The following WAC variants were observed in gnomAD, a reference collection of about 807,000 sequenced individuals.
WAC encodes WW domain-containing adapter protein with coiled-coil.
A neutral mutation model predicts 79.6 loss-of-function variants in WAC; 11 were observed. The observed-to-expected ratio is 0.14, with a 90% CI of 0.09 to 0.23. WAC has a LOEUF of 0.23. WAC is among the 10% of genes least tolerant of loss of function. WAC has a pLI of 1.00. For synonymous variants in WAC, 304 were observed against 276.9 expected, an observed-to-expected ratio of 1.10 and a Z score of -0.97; for missense variants, 728 against 773.5, an observed-to-expected ratio of 0.94 and a Z score of 0.70.
chr10:28,596,485 T>C (rs1475372273), intron 7 of WAC, among the ~76,000 whole-genome samples: 3 of 152,208 alleles, frequency 2.0e-5, no homozygotes, highest in African/African-American at 7.2e-5. Context: ...AATTAAGTTG[T>C]GGGCCATAAG....
intron 3 of WAC, among the ~76,000 whole-genome samples, chr10:28,540,119 C>T (rs935542712): frequency 6.6e-6 from 1 of 152,052 alleles, no homozygotes; most frequent in Non-Finnish European, 1.5e-5. Flanking sequence ...AGTAATGTTA[C>T]AAATTACTAA....
chr10:28,611,834 A>T lies in WAC; in HGVS notation c.1349A>T (p.Tyr450Phe). The T allele has an allele frequency of 1.2e-6, 2 of 1,614,116 alleles. No individual in the cohort carries two copies. The highest frequency in any genetic ancestry group is 1.7e-6 in the Non-Finnish European group (2 of 1,180,012). ...TCTGATGCGTCATCCCCAAGATCAT[A>T]TGTTTCTCCAAGAATAAGCACACCT... ...LTSDASSPRS[Y>F]VSPRISTPQT... Residue 450 changes from tyrosine to phenylalanine, a missense_variant, in exon 10 of 14, where the codon TAT becomes TTT. By Grantham distance (22) the Tyr-to-Phe change is conservative. This residue lies in a region of WAC where 648 missense variants were observed against 661.5 expected (regional missense o/e 0.98). Transcript: ENST00000354911.
intron 13 of WAC, 47 bp from the exon 14 acceptor site, chr10:28,619,490 A>C: frequency 7.3e-7 from 1 of 1,376,416 alleles, no homozygotes; most frequent in Non-Finnish European, 9.8e-7. Flanking sequence ...GTTTTCTGTA[A>C]TATTTGTATA....
intron 7 of WAC, among the ~76,000 whole-genome samples, chr10:28,604,764 T>C (rs1408365484): frequency 6.6e-6 from 1 of 152,124 alleles, no homozygotes; most frequent in Non-Finnish European, 1.5e-5. Flanking sequence ...AGGAAGCTCA[T>C]GTTCCTAGTA....
chr10:28,558,008 A>G (rs985479980), intron 3 of WAC, among the ~76,000 whole-genome samples: 1 of 152,140 alleles, frequency 6.6e-6, no homozygotes, highest in African/African-American at 2.4e-5. Context: ...CAGGAGGCGG[A>G]AGTTGCAGTG....
rs1841744055 is a variant in WAC at position 28,622,984 on chromosome 10, C to G, written c.*3378C>G. 1 of 152,104 alleles carries G rather than the reference C, an allele frequency of 6.6e-6. No individual in the cohort carries two copies. The highest frequency in any genetic ancestry group is 2.1e-4 in the South Asian group (1 of 4,830). 9.4% of individuals were successfully genotyped at this position (152,104 alleles called of 1,614,324 possible). ...TTGTACGGGAGTGTACAAAATGACA[C>G]TGAAAAGTAATAAATATGTTTTGAC... On this transcript the variant is annotated 3_prime_UTR_variant, in exon 14 of 14. Transcript: ENST00000354911.
chr10:28,566,798 A>G (rs1838641090), intron 3 of WAC, among the ~76,000 whole-genome samples: 1 of 152,176 alleles, frequency 6.6e-6, no homozygotes, highest in East Asian at 1.9e-4. Context: ...AATGGGTAAA[A>G]TTCAGCAGCT....
intron 5 of WAC, among the ~76,000 whole-genome samples, chr10:28,590,178 T>C (rs942522602): frequency 6.6e-6 from 1 of 151,998 alleles, no homozygotes; most frequent in Non-Finnish European, 1.5e-5. Context: ...CTGTGAGTGG[T>C]AGCATGCACT....
intron 11 of WAC, chr10:28,615,872 T>C (rs1278614350): frequency 4.2e-6 from 1 of 240,960 alleles, no homozygotes; most frequent in Non-Finnish European, 8.0e-6. Flanking sequence ...AAATGTGACT[T>C]TTTTTAGTTA....
intron 3 of WAC, among the ~76,000 whole-genome samples, 161 bp from the exon 4 acceptor site, chr10:28,583,238 C>CT (rs774640665): frequency 2.6e-5 from 4 of 151,648 alleles, no homozygotes; most frequent in Non-Finnish European, 5.9e-5. Flanking sequence ...TTCACAGATA[C>CT]TTTATATACT....
At chr10:28,579,666 A>T (rs1250709214) in intron 3 of WAC, among the ~76,000 whole-genome samples, 2 of 152,144 alleles carry the variant, frequency 1.3e-5, no homozygotes, top group African/African-American at 4.8e-5. Context: ...CCATTACCCC[A>T]GCCTTGGGAA....
rs1341395273 is a variant in WAC, at chr10:28,595,832, C to T, written c.710C>T (p.Ala237Val). Residue 237 changes from alanine (A) to valine (V), a missense_variant, in exon 7 of 14, where the codon GCA becomes GTA. Around this residue, in one of 3 missense-constraint regions of WAC, gnomAD observed 648 missense variants for 661.5 expected, o/e 0.98. Coordinates refer to ENST00000354911, the MANE Select transcript of WAC (RefSeq NM_016628.5). The stretch of plus-strand genomic sequence containing the variant: ...GACAGAGACTACAGACTGCCAAGAG[C>T]AGAGACTCACAGTAGTTCTACGCCA... ...HNDRDYRLPRAETHSSSTPVQ... is the reference protein window; with the variant it reads ...HNDRDYRLPRVETHSSSTPVQ... 3 of 1,614,020 alleles carry T rather than the reference C, an allele frequency of 1.9e-6. No individual in the cohort carries two copies. The highest frequency in any genetic ancestry group is 3.3e-5 in the Admixed American group (2 of 59,986).
chr10:28,597,431 AT>A (rs529635171), intron 7 of WAC, among the ~76,000 whole-genome samples: 57 of 152,286 alleles, frequency 3.7e-4, no homozygotes, highest in African/African-American at 1.3e-3. Context: ...TATTTATCCC[AT>A]GTCACCTTTG....
chr10:28,576,548 T>A (rs1449905786), intron 3 of WAC, among the ~76,000 whole-genome samples: 1 of 152,246 alleles, frequency 6.6e-6, no homozygotes, highest in Non-Finnish European at 1.5e-5. Flanking sequence ...ACTAAAGTTG[T>A]ATTGGTTCAT....
intron 3 of WAC, among the ~76,000 whole-genome samples, chr10:28,562,758 A>G (rs755670483): frequency 2.6e-5 from 4 of 152,240 alleles, no homozygotes; most frequent in Non-Finnish European, 4.4e-5. Context: ...ATTGTAGTGC[A>G]TTAATGACAG....
At chr10:28,614,872 A>G in intron 11 of WAC, 187 bp downstream of exon 11, 4 of 427,524 alleles carry the variant, frequency 9.4e-6, no homozygotes, top group Non-Finnish European at 8.2e-6. Flanking sequence ...TGTCTCTAGT[A>G]GTGAAGCCCG....
At chr10:28,544,404 G>A (rs184519186) in intron 3 of WAC, among the ~76,000 whole-genome samples, 39 of 152,214 alleles carry the variant, frequency 2.6e-4, no homozygotes, top group South Asian at 4.1e-4. Context: ...TCAGGCACTC[G>A]CTAGCTAGAT....
chr10:28,621,267 G>A lies in WAC; in HGVS notation c.*1661G>A, dbSNP rs1468511165. Reference sequence around the variant, plus strand: ...GGGCAGATAAGTGCTTCCAAAACTGGCAGCACCAAGGGCTTATTTTTTATG... The same window carrying A: ...GGGCAGATAAGTGCTTCCAAAACTGACAGCACCAAGGGCTTATTTTTTATG... On this transcript the variant is annotated 3_prime_UTR_variant, in exon 14 of 14. Coordinates refer to ENST00000354911, the MANE Select transcript of WAC (RefSeq NM_016628.5). 7.0e-6 allele frequency: 1 copy of A among 141,854 alleles called. No individual in the cohort carries two copies. Among genetic ancestry groups the A allele is most frequent in the African/African-American group, 2.7e-5 (1 of 37,716 alleles). 8.8% of individuals were successfully genotyped at this position (141,854 alleles called of 1,614,324 possible). A position where few individuals can be genotyped will look rare whatever the true frequency, so the allele number is the denominator to read the frequency against.
chr10:28,593,703 T>C, intron 6 of WAC, among the ~76,000 whole-genome samples: 1 of 149,828 alleles, frequency 6.7e-6, no homozygotes, highest in African/African-American at 2.5e-5. Context: ...GCGAGATTCA[T>C]GCCATTGCAC....
Sources: gnomAD v4.1 joint callset for allele counts (sites outside exome capture counted in the v4.1 genomes callset) on GRCh38, gnomAD v4.1.1 for gene constraint, gnomAD v4.1.1 regional missense constraint, MANE v1.5 for transcripts, NCBI Gene and HGNC (gene_info 2026-07-23, HGNC 2026-07-21) for gene names.